Variants in DNAH11 observed in about 807,000 individuals in gnomAD.
The protein encoded by DNAH11 is axonemal beta dynein heavy chain 11.
DNAH11 carries 442 observed loss-of-function variants against 526.0 expected under a neutral mutation model. The ratio of observed to expected loss-of-function variants is 0.84; its 90% confidence interval spans 0.78 to 0.91. DNAH11 has a LOEUF of 0.91. DNAH11 is among the 40% of genes least tolerant of loss of function. DNAH11 has a pLI of 0.00. For missense variants in DNAH11, 6,989 were observed against 5,448.7 expected (o/e 1.28, Z -8.90); for synonymous variants, 2,461 against 1,935.9 (o/e 1.27, Z -7.12).
In DNAH11 at chr7:21,701,965, G is replaced by A. The variant is rs367711027; in HGVS notation, c.6181-745G>A. Among the ~76,000 whole-genome samples the A allele has an allele frequency of 1.6e-4, 24 of 152,216 alleles. 2 individuals carry two copies. Among genetic ancestry groups the A allele is most frequent in the Admixed American group, 9.2e-4 (14 of 15,288 alleles). ...CCAGTCCCGTGTAAGCAGTTAGTTC[G>A]TTAGGAATACCTTTACTGAGCACCG... is the stretch of plus-strand genomic sequence containing the variant. On this transcript the variant is annotated intron_variant, in intron 36 of 81. Coordinates refer to ENST00000409508, the MANE Select transcript of DNAH11 (RefSeq NM_001277115.2).
At chr7:21,595,800 C>T (rs1003630194) in intron 14 of DNAH11, among the ~76,000 whole-genome samples, 5 of 151,786 alleles carry the variant, frequency 3.3e-5, no homozygotes, top group Admixed American at 6.6e-5. Context: ...ATGTGATCAC[C>T]GAGAACATGA....
intron 61 of DNAH11, among the ~76,000 whole-genome samples, chr7:21,794,386 C>G (rs1047520425): frequency 1.3e-5 from 2 of 152,184 alleles, no homozygotes; most frequent in South Asian, 4.2e-4. Flanking sequence ...TTTGGTCTTT[C>G]TAGAGTATGT....
intron 8 of DNAH11, among the ~76,000 whole-genome samples, chr7:21,580,180 C>G (rs900306604): frequency 6.6e-6 from 1 of 152,072 alleles, no homozygotes; most frequent in Admixed American, 6.6e-5. Flanking sequence ...GGGAGGGAGA[C>G]TAGCATATTT....
Position 21,749,703 on chromosome 7 carries a change from G to A in DNAH11, c.8699G>A (p.Arg2900Gln), listed in dbSNP as rs534013804. The change falls in exon 53 of 82, where the codon CGA becomes CAA. Residue 2900 changes from arginine to glutamine, a missense_variant. Arg to Gln is a conservative substitution (Grantham distance 43). Transcript: ENST00000409508. ...GTAGATCTTGCCAATTTGTACATCC[G>A]AACTGGAGCCAAGAACATGCCCACT... ...LRVDLANLYI[R>Q]TGAKNMPTVF... 94 of 1,613,670 alleles carry A rather than the reference G, an allele frequency of 5.8e-5. No individual in the cohort carries two copies. Among genetic ancestry groups the A allele is most frequent in the Middle Eastern group, 1.6e-4 (1 of 6,080 alleles).
chr7:21,885,160 C>A (rs1400019458), intron 76 of DNAH11, among the ~76,000 whole-genome samples: 4 of 49,548 alleles, frequency 8.1e-5, no homozygotes, highest in African/African-American at 5.1e-5. Context: ...GATCTTGTTC[C>A]AAATGAACTA....
intron 30 of DNAH11, among the ~76,000 whole-genome samples, chr7:21,666,902 A>T (rs1782441752): frequency 6.6e-6 from 1 of 152,056 alleles, no homozygotes. Context: ...GGTAAGGTAT[A>T]TGAAAAAAAA....
At chr7:21,766,117 ATTTATGT>A (rs759836294) in intron 55 of DNAH11, among the ~76,000 whole-genome samples, 2 of 152,160 alleles carry the variant, frequency 1.3e-5, no homozygotes, top group Non-Finnish European at 2.9e-5. Context: ...TGTTTTACAG[ATTTATGT>A]TTTATGGGTT....
At chr7:21,675,714 G>A (rs1268532047) in intron 30 of DNAH11, among the ~76,000 whole-genome samples, 1 of 152,290 alleles carries the variant, frequency 6.6e-6, no homozygotes, top group African/African-American at 2.4e-5. Context: ...TTGGACACAT[G>A]CTTTATGCTG....
At chr7:21,688,407 C>T (rs896288714) in intron 34 of DNAH11, among the ~76,000 whole-genome samples, 9 of 152,330 alleles carry the variant, frequency 5.9e-5, no homozygotes, top group Middle Eastern at 3.4e-3. Flanking sequence ...CAACCCAACT[C>T]ACGTTAGGCA....
intron 8 of DNAH11, among the ~76,000 whole-genome samples, chr7:21,578,797 C>A (rs1784200965): frequency 6.6e-6 from 1 of 152,182 alleles, no homozygotes; most frequent in South Asian, 2.1e-4. Context: ...GTGCCAAACA[C>A]AACTGCCTAC....
At chr7:21,874,797 C>G (rs994648112) in intron 74 of DNAH11, among the ~76,000 whole-genome samples, 1 of 152,040 alleles carries the variant, frequency 6.6e-6, no homozygotes, top group Non-Finnish European at 1.5e-5. Context: ...AGTTTCCTTT[C>G]TTGCTATTGC....
At chr7:21,640,981 G>A (rs1787102776) in intron 28 of DNAH11, among the ~76,000 whole-genome samples, 1 of 152,132 alleles carries the variant, frequency 6.6e-6, no homozygotes, top group South Asian at 2.1e-4. Flanking sequence ...TAACAGCAAG[G>A]ATCCACGTGC....
At chr7:21,831,322 T>G (rs1781758379) in intron 65 of DNAH11, among the ~76,000 whole-genome samples, 1 of 152,174 alleles carries the variant, frequency 6.6e-6, no homozygotes, top group Non-Finnish European at 1.5e-5. Flanking sequence ...CTGGTTAACT[T>G]TGTAGCTTTT....
At chr7:21,769,564 A>C (rs888646391) in intron 55 of DNAH11, among the ~76,000 whole-genome samples, 6 of 151,356 alleles carry the variant, frequency 4.0e-5, no homozygotes, top group African/African-American at 1.5e-4. Flanking sequence ...GGCTCACTGC[A>C]ACTTCCGCCT....
In DNAH11 at chr7:21,663,887, A is replaced by G. The variant is rs192974900; in HGVS notation, c.5328+4856A>G. Among the ~76,000 whole-genome samples the G allele has an allele frequency of 1.7e-4, 26 of 152,144 alleles. No individual in the cohort carries two copies. The East Asian group carries it at 4.8e-3, about 28-fold the overall frequency. On this transcript the variant is annotated intron_variant, in intron 30 of 81. Coordinates refer to ENST00000409508, the MANE Select transcript of DNAH11 (RefSeq NM_001277115.2). ...TTCTTCATAATGCTGAATAATGCTG[A>G]AGAGATACAGGTGTCTCTTCAACGT...
chr7:21,770,366 C>T (rs1787382337), intron 55 of DNAH11, among the ~76,000 whole-genome samples: 1 of 152,100 alleles, frequency 6.6e-6, no homozygotes, highest in Non-Finnish European at 1.5e-5. Context: ...GTGCGTGAAA[C>T]AAAGTTTTGA....
intron 65 of DNAH11, among the ~76,000 whole-genome samples, chr7:21,821,545 T>C (rs1790050902): frequency 1.3e-5 from 2 of 152,166 alleles, no homozygotes; most frequent in Non-Finnish European, 2.9e-5. Context: ...AAACCTAGTT[T>C]CTTAAACAGG....
chr7:21,599,727 T>C (rs1348276186), intron 14 of DNAH11, 60 bp from the exon 15 acceptor site: 2 of 1,251,966 alleles, frequency 1.6e-6, no homozygotes, highest in East Asian at 5.1e-5. Flanking sequence ...AAACGGAGAG[T>C]TTTAGTTTTT....
intron 62 of DNAH11, among the ~76,000 whole-genome samples, chr7:21,802,383 G>A (rs1479206267): frequency 1.3e-5 from 2 of 152,106 alleles, no homozygotes; most frequent in Admixed American, 1.3e-4. Flanking sequence ...ATGTAAAATT[G>A]TTCTGCGTCT....
Sources: gnomAD v4.1 joint callset for allele counts (sites outside exome capture counted in the v4.1 genomes callset) on GRCh38, gnomAD v4.1.1 for gene constraint, MANE v1.5 for transcripts, NCBI Gene and HGNC (gene_info 2026-07-23, HGNC 2026-07-21) for gene names.